GALNTL6: variants seen among roughly 807,000 people sequenced by gnomAD.
The protein encoded by GALNTL6 is polypeptide N-acetylgalactosaminyltransferase like 6.
GALNTL6 carries 46 observed loss-of-function variants against 73.7 expected under a neutral mutation model. The observed-to-expected ratio is 0.62, with a 90% CI of 0.49 to 0.80. The LOEUF is 0.80. Among genes scored for constraint, GALNTL6 ranks in the 30% least tolerant of loss-of-function variants. The pLI is 0.00. For missense variants in GALNTL6, 604 were observed against 755.0 expected, an observed-to-expected ratio of 0.80 and a Z score of 2.34; for synonymous variants, 259 against 263.7, an observed-to-expected ratio of 0.98 and a Z score of 0.17.
At chr4:172,572,579 CAT>C (rs1335913920) in intron 5 of GALNTL6, among the ~76,000 whole-genome samples, 1 of 152,160 alleles carries the variant, frequency 6.6e-6, no homozygotes, top group East Asian at 1.9e-4. Flanking sequence ...AAACCTTTCA[CAT>C]GTGACTCTAA....
At chr4:171,913,745 G>A (rs899385081) in intron 2 of GALNTL6, among the ~76,000 whole-genome samples, 1 of 152,106 alleles carries the variant, frequency 6.6e-6, no homozygotes, top group Non-Finnish European at 1.5e-5. Flanking sequence ...AGAGAAATTA[G>A]GTGGTAATGA....
intron 3 of GALNTL6, among the ~76,000 whole-genome samples, chr4:172,240,361 C>T (rs1356589933): frequency 1.3e-5 from 2 of 151,800 alleles, no homozygotes; most frequent in Non-Finnish European, 2.9e-5. Flanking sequence ...GTAGCAGGGA[C>T]TACAGGCACT....
At chr4:172,113,166 A>T (rs1732900830) in intron 2 of GALNTL6, among the ~76,000 whole-genome samples, 1 of 151,890 alleles carries the variant, frequency 6.6e-6, no homozygotes, top group Non-Finnish European at 1.5e-5. Flanking sequence ...TGCATTCAAC[A>T]TTTTTTATGA....
chr4:172,373,491 A>G (rs929681600), intron 5 of GALNTL6, among the ~76,000 whole-genome samples: 4 of 152,164 alleles, frequency 2.6e-5, no homozygotes, highest in African/African-American at 4.8e-5. Context: ...TTGAGCTTTT[A>G]AATGTTTAAC....
intron 6 of GALNTL6, among the ~76,000 whole-genome samples, chr4:172,812,001 G>A (rs1041369710): frequency 2.2e-5 from 3 of 134,566 alleles, no homozygotes; most frequent in African/African-American, 8.2e-5. Flanking sequence ...AGAATGACTG[G>A]ATGGATAAAT....
intron 2 of GALNTL6, among the ~76,000 whole-genome samples, chr4:171,899,496 T>A (rs1291456680): frequency 2.0e-5 from 3 of 152,112 alleles, no homozygotes; most frequent in Non-Finnish European, 4.4e-5. Flanking sequence ...AATCGTTTAT[T>A]TAATGTATCA....
chr4:172,254,440 C>T (rs1738002610), intron 3 of GALNTL6, among the ~76,000 whole-genome samples: 1 of 150,732 alleles, frequency 6.6e-6, no homozygotes, highest in African/African-American at 2.4e-5. Context: ...TGTCTTGCTA[C>T]AGAAAACCAT....
chr4:172,894,308 T>C (rs1746206745), intron 8 of GALNTL6, among the ~76,000 whole-genome samples: 2 of 152,198 alleles, frequency 1.3e-5, no homozygotes, highest in African/African-American at 4.8e-5. Context: ...ATTTGAAGTT[T>C]GTCTATTTTT....
chr4:172,544,026 C>T (rs1415336322), intron 5 of GALNTL6, among the ~76,000 whole-genome samples: 3 of 152,094 alleles, frequency 2.0e-5, no homozygotes, highest in Admixed American at 6.5e-5. Flanking sequence ...AAGACATGCC[C>T]GAGAGGTGGA....
intron 2 of GALNTL6, among the ~76,000 whole-genome samples, chr4:172,164,511 T>A (rs747939054): frequency 5.9e-5 from 9 of 152,068 alleles, no homozygotes; most frequent in Non-Finnish European, 1.2e-4. Flanking sequence ...ATATACTTTA[T>A]TAGTCACCTT....
At chr4:172,904,775 C>A (rs1295876070) in intron 8 of GALNTL6, among the ~76,000 whole-genome samples, 1 of 152,056 alleles carries the variant, frequency 6.6e-6, no homozygotes, top group Admixed American at 6.6e-5. Context: ...TAAAATAAGC[C>A]TTGGGAGTTT....
chr4:171,940,310 A>T (rs1314101917), intron 2 of GALNTL6, among the ~76,000 whole-genome samples: 1 of 147,346 alleles, frequency 6.8e-6, no homozygotes, highest in East Asian at 1.9e-4. Context: ...TGGGGAGGGG[A>T]TGCAAATAAG....
intron 2 of GALNTL6, among the ~76,000 whole-genome samples, chr4:171,986,821 G>C (rs142828929): frequency 6.6e-6 from 1 of 152,092 alleles, no homozygotes; most frequent in African/African-American, 2.4e-5. Flanking sequence ...TGATTAGAGA[G>C]TGCCTAAGGA....
rs79524627 is a variant in GALNTL6, at chr4:172,612,086, G to C, written c.554-197275G>C. ...ATAAAGGTATAGGATAAATCATAAA[G>C]GATAAGGATCCAGAATGTATGTAAA... On this transcript the variant is annotated intron_variant, in intron 5 of 12. Coordinates refer to ENST00000506823, the MANE Select transcript of GALNTL6 (RefSeq NM_001034845.3). 3.2e-3 allele frequency among the ~76,000 whole-genome samples: 487 copies of C among 152,116 alleles called. 3 individuals are homozygous for C. Among genetic ancestry groups the C allele is most frequent in the African/African-American group, 0.011 (468 of 41,532 alleles).
At chr4:172,854,194 C>T (rs935692408) in intron 7 of GALNTL6, among the ~76,000 whole-genome samples, 2 of 152,274 alleles carry the variant, frequency 1.3e-5, no homozygotes, top group Non-Finnish European at 2.9e-5. Flanking sequence ...CTCCCCTCCT[C>T]GTTGACACCT....
intron 3 of GALNTL6, among the ~76,000 whole-genome samples, chr4:172,268,155 T>C (rs567509059): frequency 6.6e-6 from 1 of 152,346 alleles, no homozygotes; most frequent in Admixed American, 6.5e-5. Context: ...CTTCAAATTA[T>C]ACTACACAAT....
At chr4:172,361,888 T>G (rs1044344717) in intron 5 of GALNTL6, among the ~76,000 whole-genome samples, 1 of 152,186 alleles carries the variant, frequency 6.6e-6, no homozygotes, top group Non-Finnish European at 1.5e-5. Flanking sequence ...TTATATATCT[T>G]ACTTGTCATG....
chr4:172,846,393 C>G (rs555316807), intron 7 of GALNTL6, among the ~76,000 whole-genome samples: 1 of 152,098 alleles, frequency 6.6e-6, no homozygotes, highest in Non-Finnish European at 1.5e-5. Flanking sequence ...TATAAACTGG[C>G]ATCAGGAACA....
At chr4:171,901,314 T>TGCGGTA (rs1737087366) in intron 2 of GALNTL6, among the ~76,000 whole-genome samples, 1 of 152,162 alleles carries the variant, frequency 6.6e-6, no homozygotes, top group African/African-American at 2.4e-5. Context: ...ATTTTCCATA[T>TGCGGTA]GCGGTAGCTG....
Sources: gnomAD v4.1 joint callset for allele counts (sites outside exome capture counted in the v4.1 genomes callset) on GRCh38, gnomAD v4.1.1 for gene constraint, MANE v1.5 for transcripts, NCBI Gene and HGNC (gene_info 2026-07-23, HGNC 2026-07-21) for gene names.